The following MIGA2 variants were observed in gnomAD, a reference collection of about 807,000 sequenced individuals.
MIGA2 encodes family with sequence similarity 73, member B.
Under a neutral mutation model 69.9 loss-of-function variants are expected in MIGA2, and 36 were observed. The ratio of observed to expected loss-of-function variants is 0.52; its 90% CI spans 0.39 to 0.68. The LOEUF is 0.68. Ranked by LOEUF, MIGA2 falls within the 30% of genes least tolerant of loss-of-function variation. The probability of loss-of-function intolerance (pLI) is 0.00; values close to 1 mark genes in which losing one functional copy is unlikely to be tolerated. For missense variants in MIGA2, 660 were observed against 787.7 expected (o/e 0.84, Z 1.94); for synonymous variants, 333 against 349.2 (o/e 0.95, Z 0.52).
intron 6 of MIGA2, 40 bp downstream of exon 6, chr9:129,050,003 A>C (rs777657989): frequency 6.3e-7 from 1 of 1,584,178 alleles, no homozygotes; most frequent in Non-Finnish European, 8.6e-7. Flanking sequence ...CATGGGATAA[A>C]GTTGGCAGCA....
In MIGA2 at chr9:129,056,544, A is replaced by T. The variant is rs1278185432; in HGVS notation, c.676-2610A>T. 6.1e-5 allele frequency among the ~76,000 whole-genome samples: 9 copies of T among 147,768 alleles called. No homozygotes were observed. In the Admixed American group the frequency reaches 6.1e-4, roughly 10 times the overall value. ...ACTTTTTTTTTTTTTTTTAAGACGG[A>T]CTCCTGCTCTGTTGCCCAGGCTGAA... is the stretch of plus-strand genomic sequence containing the variant. On this transcript the variant is annotated intron_variant, in intron 6 of 15. Transcript: ENST00000684074.
intron 3 of MIGA2, among the ~76,000 whole-genome samples, chr9:129,043,584 G>C (rs1048214173): frequency 6.6e-6 from 1 of 150,992 alleles, no homozygotes; most frequent in Non-Finnish European, 1.5e-5. Context: ...ACGGGATTTC[G>C]CCACGTTGGC....
At chr9:129,043,499 G>A (rs1417192515) in intron 3 of MIGA2, among the ~76,000 whole-genome samples, 3 of 148,970 alleles carry the variant, frequency 2.0e-5, no homozygotes, top group African/African-American at 4.9e-5. Context: ...AGATTCTCCT[G>A]CTTCAGCCTC....
rs1845966551 is a variant in MIGA2, at chr9:129,059,749, C to T, written c.793+478C>T. On this transcript the variant is annotated intron_variant, in intron 7 of 15. Transcript: ENST00000684074. The surrounding 1 kb of genome is among the most constrained non-coding windows in gnomAD (Gnocchi z 5.6). ...GGGGGAACCAAGTTATTCTGCCAAACAGCCACTGTCCTCTTCGGACCCCTG... is the reference window on the plus strand; with the variant it reads ...GGGGGAACCAAGTTATTCTGCCAAATAGCCACTGTCCTCTTCGGACCCCTG... Among the ~76,000 whole-genome samples, 1 of 152,200 alleles carries T rather than the reference C, an allele frequency of 6.6e-6. No homozygotes were observed. The highest frequency in any genetic ancestry group is 1.5e-5 in the Non-Finnish European group (1 of 68,040).
chr9:129,070,203 G>C, intron 15 of MIGA2, 44 bp from the exon 16 acceptor site: 1 of 1,590,206 alleles, frequency 6.3e-7, no homozygotes. Flanking sequence ...GCATCATGGT[G>C]GGCAGTGGCT....
At chr9:129,058,749 C>T (rs558037677) in intron 6 of MIGA2, among the ~76,000 whole-genome samples, 5 of 152,216 alleles carry the variant, frequency 3.3e-5, no homozygotes, top group South Asian at 2.1e-4. Context: ...CTGCCCACCT[C>T]GGCCACCCAA....
In MIGA2 at chr9:129,069,733, G is replaced by C; in HGVS notation, c.1459-116G>C. 1 of 779,594 alleles carries C rather than the reference G, an allele frequency of 1.3e-6. No individual in the cohort carries two copies. The highest frequency in any genetic ancestry group is 2.3e-6 in the Non-Finnish European group (1 of 433,312). The allele number at this position is 779,594 out of a possible 1,614,324, so 48.3% of individuals were successfully genotyped here. The stretch of plus-strand genomic sequence containing the variant: ...AGTCACTGCCCAGGGTCATCTAGCA[G>C]GAAAGTACATGAGCTGGGGCGACCT... On this transcript the variant is annotated intron_variant, in intron 14 of 15. Transcript: ENST00000684074. The surrounding 1 kb of genome is among the most constrained non-coding windows in gnomAD (Gnocchi z 4.9).
In MIGA2 at chr9:129,068,575, C is replaced by G; in HGVS notation, c.1404+243C>G. ...GCTTTCTTCCTATTGTGTGGTTTTA[C>G]TTTTGTGCTGGTATGAATTCGATTC... On this transcript the variant is annotated intron_variant, in intron 13 of 15. Coordinates refer to ENST00000684074, the MANE Select transcript of MIGA2 (RefSeq NM_001329990.2). This position sits in a 1 kb window ranked among gnomAD's most constrained non-coding sequence, Gnocchi z 4.1. 1 of 529,184 alleles carries G rather than the reference C, an allele frequency of 1.9e-6. No individual in the cohort carries two copies. The highest frequency in any genetic ancestry group is 3.4e-6 in the Non-Finnish European group (1 of 297,350). 32.8% of individuals were successfully genotyped at this position (529,184 alleles called of 1,614,324 possible).
chr9:129,048,735 T>A (rs1034146204), intron 4 of MIGA2, among the ~76,000 whole-genome samples, 196 bp downstream of exon 4: 3 of 152,188 alleles, frequency 2.0e-5, no homozygotes, highest in Non-Finnish European at 4.4e-5. Context: ...GGTGGGCTGG[T>A]GCAGAGGAGA....
intron 6 of MIGA2, among the ~76,000 whole-genome samples, chr9:129,050,843 T>C (rs1845490016): frequency 6.6e-6 from 1 of 151,940 alleles, no homozygotes; most frequent in Non-Finnish European, 1.5e-5. Context: ...AGTGGTGAGA[T>C]TACAGGTGTG....
At chr9:129,053,498 G>A (rs1296026278) in intron 6 of MIGA2, among the ~76,000 whole-genome samples, 1 of 151,666 alleles carries the variant, frequency 6.6e-6, no homozygotes, top group African/African-American at 2.4e-5. Context: ...CGAGTAGTTT[G>A]GATTACAGGC....
At position 129,070,766 on chromosome 9, in the gene MIGA2, G is replaced by C; in HGVS notation, c.*313G>C. ...AACCTCCCATCGCTCCAGGGCTGCTGACAAGGGTGCTGGGAGGGTGGAGGT... is the reference window on the plus strand; with the variant it reads ...AACCTCCCATCGCTCCAGGGCTGCTCACAAGGGTGCTGGGAGGGTGGAGGT... On this transcript the variant is annotated 3_prime_UTR_variant, in exon 16 of 16. Coordinates refer to ENST00000684074, the MANE Select transcript of MIGA2 (RefSeq NM_001329990.2). 2.5e-6 allele frequency: 1 copy of C among 402,884 alleles called. No individual in the cohort carries two copies. Among genetic ancestry groups the C allele is most frequent in the Non-Finnish European group, 4.5e-6 (1 of 220,494 alleles). The allele number at this position is 402,884 out of a possible 1,614,324, so 25.0% of individuals were successfully genotyped here.
chr9:129,053,771 A>G (rs902377403), intron 6 of MIGA2, among the ~76,000 whole-genome samples: 1 of 152,232 alleles, frequency 6.6e-6, no homozygotes. Flanking sequence ...GGATTGTTTG[A>G]GCCAGTGAGG....
Position 129,070,742 on chromosome 9 carries a change from A to G in MIGA2, c.*289A>G. Reference sequence around the variant, plus strand: ...GATGCCCCAGGTGGGGGACCCCAAAACCTCCCATCGCTCCAGGGCTGCTGA... The same window carrying G: ...GATGCCCCAGGTGGGGGACCCCAAAGCCTCCCATCGCTCCAGGGCTGCTGA... On this transcript the variant is annotated 3_prime_UTR_variant, in exon 16 of 16. Coordinates refer to ENST00000684074, the MANE Select transcript of MIGA2 (RefSeq NM_001329990.2). 2.2e-6 allele frequency: 1 copy of G among 456,004 alleles called. No homozygotes were observed. Among genetic ancestry groups the G allele is most frequent in the Non-Finnish European group, 4.0e-6 (1 of 252,014 alleles). 28.2% of individuals were successfully genotyped at this position (456,004 alleles called of 1,614,324 possible).
At position 129,068,717 on chromosome 9, in the gene MIGA2, C is replaced by T. The variant is rs563777295; in HGVS notation, c.1405-359C>T. 43 of 412,862 alleles carry T rather than the reference C, an allele frequency of 1.0e-4. No homozygotes were observed. In the East Asian group the frequency reaches 1.6e-3, roughly 15 times the overall value. 25.6% of individuals were successfully genotyped at this position (412,862 alleles called of 1,614,324 possible). A position where few individuals can be genotyped will look rare whatever the true frequency, so the allele number is the denominator to read the frequency against. ...GGACCCCCAGGAAGGCAAGCAGTAA[C>T]GCTCCAGCAGCCGGGCTGTGCTGCC... On this transcript the variant is annotated intron_variant, in intron 13 of 15. Coordinates refer to ENST00000684074, the MANE Select transcript of MIGA2 (RefSeq NM_001329990.2). The surrounding 1 kb of genome is among the most constrained non-coding windows in gnomAD (Gnocchi z 4.1).
intron 3 of MIGA2, among the ~76,000 whole-genome samples, 163 bp downstream of exon 3, chr9:129,042,677 A>G (rs1844980218): frequency 6.6e-6 from 1 of 152,094 alleles, no homozygotes. Flanking sequence ...CCCTCCCTCC[A>G]GTCACTGTAC....
chr9:129,040,676 A>G lies in MIGA2; in HGVS notation c.82A>G (p.Thr28Ala), dbSNP rs772995314. ...GGCCGAGATCCCCGTGTTCCTGTACACGACGTTTGGGCAGGTAAGGATCAG... is the reference window on the plus strand; with the variant it reads ...GGCCGAGATCCCCGTGTTCCTGTACGCGACGTTTGGGCAGGTAAGGATCAG... ...TVAEIPVFLY[T>A]TFGQSAFSQL... The change falls in exon 2 of 16, where the codon ACG becomes GCG. Residue 28 changes from threonine to alanine, a missense_variant. Physicochemically the swap from Thr to Ala is moderately conservative, Grantham distance 58. Coordinates refer to ENST00000684074, the MANE Select transcript of MIGA2 (RefSeq NM_001329990.2). 1 of 1,613,688 alleles carries G rather than the reference A, an allele frequency of 6.2e-7. No homozygotes were observed. The highest frequency in any genetic ancestry group is 8.5e-7 in the Non-Finnish European group (1 of 1,179,698).
At chr9:129,062,165 G>A (rs1386710945) in intron 9 of MIGA2, among the ~76,000 whole-genome samples, 4 of 150,910 alleles carry the variant, frequency 2.7e-5, no homozygotes, top group African/African-American at 9.7e-5. Flanking sequence ...GACTACAGGT[G>A]TGAGCCACCA....
intron 3 of MIGA2, among the ~76,000 whole-genome samples, 195 bp from the exon 4 acceptor site, chr9:129,048,232 G>A (rs1043263716): frequency 1.3e-5 from 2 of 152,222 alleles, no homozygotes; most frequent in African/African-American, 2.4e-5. Flanking sequence ...CAGGGATGTG[G>A]TCATGAGCAG....
Sources: gnomAD v4.1 joint callset for allele counts (sites outside exome capture counted in the v4.1 genomes callset) on GRCh38, gnomAD v4.1.1 for gene constraint, Gnocchi (gnomAD v3.1) non-coding constraint, MANE v1.5 for transcripts, NCBI Gene and HGNC (gene_info 2026-07-23, HGNC 2026-07-21) for gene names.